The following SYN3 variants were observed in gnomAD, a reference collection of about 807,000 sequenced individuals.
SYN3 encodes the protein synapsin-3.
A neutral mutation model predicts 65.8 loss-of-function variants in SYN3; 35 were observed. The observed-to-expected ratio is 0.53, with a 90% CI of 0.41 to 0.70. The LOEUF is 0.70. Among genes scored for constraint, SYN3 ranks in the 30% least tolerant of loss-of-function variants. The pLI is 0.00. For synonymous variants in SYN3, 270 were observed against 292.9 expected, an observed-to-expected ratio of 0.92 and a Z score of 0.80; for missense variants, 680 against 749.0, an observed-to-expected ratio of 0.91 and a Z score of 1.08.
chr22:32,585,972 A>G (rs1362532320), intron 7 of SYN3, among the ~76,000 whole-genome samples: 1 of 81,202 alleles, frequency 1.2e-5, no homozygotes, highest in Non-Finnish European at 2.9e-5. Context: ...ATACGTATAT[A>G]TGTATATATG....
chr22:32,844,176 G>T (rs151118598), intron 6 of SYN3, among the ~76,000 whole-genome samples: 3 of 152,164 alleles, frequency 2.0e-5, no homozygotes, highest in Admixed American at 1.3e-4. Flanking sequence ...GGGGAAGAAG[G>T]GTCTGGATTT....
intron 6 of SYN3, among the ~76,000 whole-genome samples, chr22:32,669,288 GC>G (rs1489041337): frequency 7.0e-4 from 107 of 152,298 alleles, no homozygotes; most frequent in African/African-American, 2.5e-3. Context: ...TGTTGGGGGA[GC>G]TTTCTAGCTT....
intron 4 of SYN3, among the ~76,000 whole-genome samples, chr22:32,876,963 A>G (rs1420257129): frequency 6.6e-6 from 1 of 152,264 alleles, no homozygotes; most frequent in Non-Finnish European, 1.5e-5. Flanking sequence ...ATGATAGATA[A>G]ATAGACGGTA....
chr22:32,764,472 C>A (rs528920910), intron 6 of SYN3, among the ~76,000 whole-genome samples: 2 of 152,246 alleles, frequency 1.3e-5, no homozygotes, highest in African/African-American at 4.8e-5. Flanking sequence ...CTCACTGCTG[C>A]GGGTGCTGGA....
intron 6 of SYN3, among the ~76,000 whole-genome samples, chr22:32,693,072 A>T (rs2147164821): frequency 6.6e-6 from 1 of 151,318 alleles, no homozygotes; most frequent in African/African-American, 2.4e-5. Flanking sequence ...ATAGTACTGA[A>T]CCCTATATAT....
At chr22:32,559,253 C>T (rs1764213702) in intron 7 of SYN3, among the ~76,000 whole-genome samples, 3 of 152,128 alleles carry the variant, frequency 2.0e-5, no homozygotes, top group South Asian at 2.1e-4. Context: ...TTTATTGAGC[C>T]CCTACTACAA....
intron 3 of SYN3, among the ~76,000 whole-genome samples, chr22:32,965,549 T>C (rs377626489): frequency 0.19 from 27,465 of 141,130 alleles, 2,852 homozygotes; most frequent in Non-Finnish European, 0.25. Flanking sequence ...CGTACGTGTG[T>C]GTGTGTGTGT....
chr22:32,705,899 T>C (rs2060874654), intron 6 of SYN3, among the ~76,000 whole-genome samples: 1 of 152,214 alleles, frequency 6.6e-6, no homozygotes, highest in Admixed American at 6.5e-5. Flanking sequence ...TTTTGTACAT[T>C]GATTTGTTTT....
chr22:32,782,124 A>C (rs1166155795), intron 6 of SYN3, among the ~76,000 whole-genome samples: 2 of 151,636 alleles, frequency 1.3e-5, no homozygotes, highest in African/African-American at 4.9e-5. Context: ...GCTGGAGTGC[A>C]ATGGCATGAT....
intron 4 of SYN3, 172 bp downstream of exon 4, chr22:32,931,218 A>G (rs1369065077): frequency 1.7e-6 from 1 of 571,954 alleles, no homozygotes; most frequent in Non-Finnish European, 3.2e-6. Flanking sequence ...TGCACGTATG[A>G]TATGTGCCGC....
chr22:32,752,092 T>C (rs1235122287), intron 6 of SYN3, among the ~76,000 whole-genome samples: 1 of 152,226 alleles, frequency 6.6e-6, no homozygotes, highest in Non-Finnish European at 1.5e-5. Flanking sequence ...GCCTGAAATA[T>C]AGTAGATGCT....
intron 4 of SYN3, among the ~76,000 whole-genome samples, chr22:32,871,567 A>G (rs2048850230): frequency 1.3e-5 from 2 of 152,034 alleles, no homozygotes; most frequent in Non-Finnish European, 1.5e-5. Flanking sequence ...CAAGGTCCCA[A>G]ATGGGTTGCC....
chr22:32,580,106 A>G (rs1360707345), intron 7 of SYN3, among the ~76,000 whole-genome samples: 1 of 152,260 alleles, frequency 6.6e-6, no homozygotes, highest in Non-Finnish European at 1.5e-5. Context: ...CACTGGGTAC[A>G]GCTTGTGCGT....
At chr22:33,032,504 CAA>C (rs111721615) in intron 1 of SYN3, among the ~76,000 whole-genome samples, 5 of 132,414 alleles carry the variant, frequency 3.8e-5, no homozygotes, top group African/African-American at 5.6e-5. Flanking sequence ...GACTCCATCT[CAA>C]AAAAAAAAAA....
chr22:32,602,103 A>G (rs2059293020), intron 6 of SYN3, among the ~76,000 whole-genome samples: 1 of 152,226 alleles, frequency 6.6e-6, no homozygotes, highest in East Asian at 1.9e-4. Context: ...TAAAACCCCC[A>G]GGATACTTTA....
At chr22:32,650,230 TCTCCCTCCCTCCCTCC>T (rs747251948) in intron 6 of SYN3, among the ~76,000 whole-genome samples, 3 of 93,302 alleles carry the variant, frequency 3.2e-5, no homozygotes, top group African/African-American at 1.4e-4. Context: ...TCTCTCTCTC[TCTCCCTCCCTCCCTCC>T]CTCCCTCCCT....
chr22:32,675,131 C>T (rs1442342467), intron 6 of SYN3, among the ~76,000 whole-genome samples: 4 of 152,172 alleles, frequency 2.6e-5, no homozygotes, highest in Non-Finnish European at 5.9e-5. Flanking sequence ...AGAGAGAAAA[C>T]TCTGCAATGT....
At chr22:32,802,428 C>T (rs1456892809) in intron 6 of SYN3, among the ~76,000 whole-genome samples, 2 of 151,070 alleles carry the variant, frequency 1.3e-5, no homozygotes. Context: ...TCACTACTAA[C>T]GGAGGAAGGG....
At chr22:32,909,144 G>T (rs2049981244) in intron 4 of SYN3, among the ~76,000 whole-genome samples, 1 of 152,158 alleles carries the variant, frequency 6.6e-6, no homozygotes, top group Non-Finnish European at 1.5e-5. Flanking sequence ...CCATGAGGGA[G>T]GTACACAGCA....
Sources: gnomAD v4.1 joint callset for allele counts (sites outside exome capture counted in the v4.1 genomes callset) on GRCh38, gnomAD v4.1.1 for gene constraint, MANE v1.5 for transcripts, NCBI Gene and HGNC (gene_info 2026-07-23, HGNC 2026-07-21) for gene names.